The following EPM2A variants were observed in gnomAD, a reference collection of about 807,000 sequenced individuals.
EPM2A encodes the protein laforin.
A neutral mutation model predicts 26.5 loss-of-function variants in EPM2A; 21 were observed. The observed-to-expected ratio is 0.79, with a 90% CI of 0.56 to 1.14. EPM2A has a LOEUF of 1.14. EPM2A is among the 50% of genes most tolerant of loss of function. The pLI is 0.00. For missense variants in EPM2A, 458 were observed against 440.8 expected (o/e 1.04, Z -0.35); for synonymous variants, 217 against 177.6 (o/e 1.22, Z -1.76).
chr6:145,561,198 A>C (rs2114814557), intron 2 of EPM2A, among the ~76,000 whole-genome samples: 1 of 151,630 alleles, frequency 6.6e-6, no homozygotes, highest in South Asian at 2.1e-4. Context: ...TAGATGCACA[A>C]ATACCAATTG....
intron 4 of EPM2A, among the ~76,000 whole-genome samples, chr6:145,434,502 A>AT (rs1562333160): frequency 6.6e-6 from 1 of 151,840 alleles, no homozygotes; most frequent in Non-Finnish European, 1.5e-5. Context: ...TTAAGTAATC[A>AT]TTTTTATTTC....
chr6:145,548,304 A>G (rs1210130110), intron 2 of EPM2A, among the ~76,000 whole-genome samples: 1 of 152,160 alleles, frequency 6.6e-6, no homozygotes, highest in African/African-American at 2.4e-5. Flanking sequence ...TCATGAGAAA[A>G]TGTAGCCTCA....
chr6:145,729,833 A>T (rs1245516792), intron 1 of EPM2A, among the ~76,000 whole-genome samples: 1 of 152,128 alleles, frequency 6.6e-6, no homozygotes, highest in Non-Finnish European at 1.5e-5. Context: ...CTGGAAGTGG[A>T]ATGATATGGT....
chr6:145,462,754 C>G (rs371054415), intron 4 of EPM2A, among the ~76,000 whole-genome samples: 103 of 152,184 alleles, frequency 6.8e-4, no homozygotes, highest in African/African-American at 2.3e-3. Flanking sequence ...AATCCCAGTG[C>G]AAGAGTTTTC....
chr6:145,479,823 G>A (rs1011020081), intron 4 of EPM2A, among the ~76,000 whole-genome samples: 1 of 151,930 alleles, frequency 6.6e-6, no homozygotes, highest in African/African-American at 2.4e-5. Context: ...GCGTTTTGAA[G>A]GACCACCAAC....
At chr6:145,581,977 A>AT (rs534409290) in intron 2 of EPM2A, among the ~76,000 whole-genome samples, 224 of 151,904 alleles carry the variant, frequency 1.5e-3, no homozygotes, top group Non-Finnish European at 2.1e-3. Context: ...GTCTCTTAAG[A>AT]TTTTTTTTGT....
At chr6:145,480,948 A>G (rs564938342) in intron 4 of EPM2A, among the ~76,000 whole-genome samples, 1 of 152,128 alleles carries the variant, frequency 6.6e-6, no homozygotes, top group Admixed American at 6.6e-5. Flanking sequence ...TGGAAAACCT[A>G]TGAGTCTAAA....
At chr6:145,383,805 A>G (rs1248880030) in exon 5 of EPM2A, 1 of 152,256 alleles carries the variant, frequency 6.6e-6, no homozygotes, top group Non-Finnish European at 1.5e-5. Flanking sequence ...TATCTATTCT[A>G]GAACATAGAA....
intron 4 of EPM2A, among the ~76,000 whole-genome samples, chr6:145,449,830 A>T (rs1779173429): frequency 6.7e-6 from 1 of 149,764 alleles, no homozygotes; most frequent in South Asian, 2.1e-4. Context: ...AGAGAGAAAA[A>T]GCCCTGTTAA....
chr6:145,510,021 A>G (rs1301962968), intron 2 of EPM2A, among the ~76,000 whole-genome samples: 3 of 152,196 alleles, frequency 2.0e-5, no homozygotes, highest in African/African-American at 7.2e-5. Context: ...GGTTCCGTTC[A>G]ACAAGAAGAT....
intron 2 of EPM2A, among the ~76,000 whole-genome samples, chr6:145,643,772 G>A (rs891723315): frequency 1.3e-5 from 2 of 151,594 alleles, no homozygotes; most frequent in Admixed American, 6.6e-5. Flanking sequence ...TTAATTTGTT[G>A]AAATACAAGG....
chr6:145,704,020 T>C lies in EPM2A; in HGVS notation c.302-17724A>G, dbSNP rs973919630. ...TTTTAAAATTGTCATAAAGAACCAA[T>C]AGCAAGATTTTTGTAGGTTATTTTT... On this transcript the variant is annotated intron_variant, in intron 1 of 3. Coordinates refer to ENST00000367519, the MANE Select transcript of EPM2A (RefSeq NM_005670.4). Among the ~76,000 whole-genome samples the C allele has an allele frequency of 2.0e-5, 3 of 152,344 alleles. No individual in the cohort carries two copies. In the South Asian group the frequency reaches 6.2e-4, roughly 32 times the overall value.
intron 2 of EPM2A, among the ~76,000 whole-genome samples, chr6:145,581,462 G>C (rs1219153954): frequency 6.6e-6 from 1 of 152,136 alleles, no homozygotes; most frequent in African/African-American, 2.4e-5. Flanking sequence ...TTACTCGGTT[G>C]ATAGTTTATT....
At chr6:145,482,416 G>A (rs1201453583) in intron 4 of EPM2A, among the ~76,000 whole-genome samples, 1 of 152,000 alleles carries the variant, frequency 6.6e-6, no homozygotes, top group Non-Finnish European at 1.5e-5. Flanking sequence ...AGCTCTTTTT[G>A]CTTGATCTAC....
intron 4 of EPM2A, among the ~76,000 whole-genome samples, chr6:145,418,175 C>T (rs952890456): frequency 1.6e-4 from 24 of 152,162 alleles, no homozygotes; most frequent in African/African-American, 5.8e-4. Context: ...CTTTGCATCA[C>T]CACTAATCTA....
In EPM2A at chr6:145,679,897, A is replaced by C. The variant is rs142257063; in HGVS notation, c.476+6225T>G. 2.0e-3 allele frequency among the ~76,000 whole-genome samples: 302 copies of C among 152,234 alleles called. 1 individual carries two copies. Among genetic ancestry groups the C allele is most frequent in the African/African-American group, 6.4e-3 (264 of 41,562 alleles). On this transcript the variant is annotated intron_variant, in intron 2 of 3. Coordinates refer to ENST00000367519, the MANE Select transcript of EPM2A (RefSeq NM_005670.4). Reference sequence around the variant, plus strand: ...CATTTACATAGGCATACGAATATACACGTGGAATACTGATCTCATGAAAAA... The same window carrying C: ...CATTTACATAGGCATACGAATATACCCGTGGAATACTGATCTCATGAAAAA...
chr6:145,620,671 T>C (rs1775614229), downstream of EPM2A, among the ~76,000 whole-genome samples: 2 of 152,244 alleles, frequency 1.3e-5, no homozygotes, highest in African/African-American at 4.8e-5. Flanking sequence ...GACAATGACC[T>C]GTTCTGTTCA....
At chr6:145,420,501 C>A (rs1263257497) in intron 4 of EPM2A, among the ~76,000 whole-genome samples, 3 of 152,088 alleles carry the variant, frequency 2.0e-5, no homozygotes, top group African/African-American at 7.2e-5. Flanking sequence ...AGATAAAAAA[C>A]ATTTGTTCAA....
At chr6:145,715,344 G>C (rs918170385) in intron 1 of EPM2A, among the ~76,000 whole-genome samples, 1 of 152,066 alleles carries the variant, frequency 6.6e-6, no homozygotes, top group African/African-American at 2.4e-5. Context: ...GAACCGCACA[G>C]GGACAGCTTT....
Sources: allele counts gnomAD v4.1 joint callset (sites outside exome capture counted in the v4.1 genomes callset), GRCh38; gene constraint gnomAD v4.1.1; transcripts MANE v1.5; gene names NCBI Gene and HGNC (gene_info 2026-07-23, HGNC 2026-07-21).